Variants in NUBPL observed in about 807,000 individuals in gnomAD.
The protein encoded by NUBPL is NUBP iron-sulfur cluster assembly factor, mitochondrial, also known as iron-sulfur cluster transfer protein NUBPL.
A neutral mutation model predicts 45.7 loss-of-function variants in NUBPL; 31 were observed. The observed-to-expected ratio is 0.68, with a 90% CI of 0.51 to 0.92. The LOEUF (loss-of-function observed/expected upper bound fraction) is 0.92, where lower values mean the gene tolerates loss of function less well. Ranked by LOEUF, NUBPL falls within the 40% of genes least tolerant of loss-of-function variation. The pLI, the probability that NUBPL is intolerant of heterozygous loss-of-function variation, is 0.00. For missense variants in NUBPL, 401 were observed against 398.7 expected, an observed-to-expected ratio of 1.01 and a Z score of -0.05; for synonymous variants, 144 against 140.9, an observed-to-expected ratio of 1.02 and a Z score of -0.15.
chr14:31,758,662 A>G (rs1323655920), intron 6 of NUBPL, among the ~76,000 whole-genome samples: 1 of 152,154 alleles, frequency 6.6e-6, no homozygotes, highest in Non-Finnish European at 1.5e-5. Context: ...ATCAAAAAGG[A>G]ACTGAGAAAC....
intron 6 of NUBPL, among the ~76,000 whole-genome samples, chr14:31,732,661 G>A (rs1001883889): frequency 3.5e-5 from 5 of 142,486 alleles, no homozygotes; most frequent in Admixed American, 7.6e-5. Flanking sequence ...GCCCAGGCTG[G>A]AGTGCAGTGG....
chr14:31,719,808 A>C (rs1365345439), intron 6 of NUBPL, among the ~76,000 whole-genome samples: 1 of 152,168 alleles, frequency 6.6e-6, no homozygotes, highest in Non-Finnish European at 1.5e-5. Context: ...TTCAATTAAA[A>C]ATATCTACCA....
At chr14:31,789,776 T>A (rs1388802003) in intron 7 of NUBPL, among the ~76,000 whole-genome samples, 2 of 152,156 alleles carry the variant, frequency 1.3e-5, no homozygotes, top group African/African-American at 4.8e-5. Flanking sequence ...GAGATACTTT[T>A]GCTGTTTTAA....
intron 6 of NUBPL, among the ~76,000 whole-genome samples, chr14:31,679,991 C>T (rs977882488): frequency 3.3e-5 from 5 of 152,014 alleles, no homozygotes; most frequent in Admixed American, 3.3e-4. Flanking sequence ...ATTTTTTGAT[C>T]ATCTTGTAAA....
At chr14:31,828,193 C>G (rs1265339694) in intron 8 of NUBPL, among the ~76,000 whole-genome samples, 1 of 152,098 alleles carries the variant, frequency 6.6e-6, no homozygotes, top group African/African-American at 2.4e-5. Flanking sequence ...TGCCTCACAC[C>G]GAAAACTCTC....
intron 6 of NUBPL, among the ~76,000 whole-genome samples, chr14:31,694,641 G>C (rs182332496): frequency 6.6e-6 from 1 of 152,282 alleles, no homozygotes; most frequent in African/African-American, 2.4e-5. Flanking sequence ...TCAACCTCCT[G>C]AGTAGCTGGG....
At chr14:31,846,178 G>A (rs2040448906) in intron 8 of NUBPL, 2 of 367,274 alleles carry the variant, frequency 5.4e-6, no homozygotes, top group African/African-American at 4.2e-5. Flanking sequence ...ACAACCTGAA[G>A]AAACAACTGT....
intron 7 of NUBPL, among the ~76,000 whole-genome samples, chr14:31,805,308 C>G (rs531534086): frequency 7.9e-5 from 12 of 152,226 alleles, no homozygotes; most frequent in Non-Finnish European, 1.8e-4. Context: ...CACTTATACA[C>G]TGTTGGTGAG....
At chr14:31,610,914 T>G (rs750266898) in intron 4 of NUBPL, among the ~76,000 whole-genome samples, 1 of 152,166 alleles carries the variant, frequency 6.6e-6, no homozygotes, top group Non-Finnish European at 1.5e-5. Context: ...AAACTGGGTA[T>G]AGAAGGAACA....
At chr14:31,578,975 T>C (rs763039338) in intron 3 of NUBPL, among the ~76,000 whole-genome samples, 3 of 152,234 alleles carry the variant, frequency 2.0e-5, no homozygotes, top group Non-Finnish European at 4.4e-5. Flanking sequence ...CCTGTGGCTC[T>C]TAAACAATGT....
chr14:31,603,172 C>T (rs975683744), intron 4 of NUBPL, among the ~76,000 whole-genome samples: 4 of 151,580 alleles, frequency 2.6e-5, no homozygotes, highest in African/African-American at 9.7e-5. Context: ...TGGTGGCTCA[C>T]ACCTGTAGTC....
intron 7 of NUBPL, among the ~76,000 whole-genome samples, chr14:31,808,556 A>T (rs552606311): frequency 6.6e-6 from 1 of 152,316 alleles, no homozygotes; most frequent in East Asian, 1.9e-4. Flanking sequence ...CAATCATGTC[A>T]TCTGCAAACA....
intron 4 of NUBPL, among the ~76,000 whole-genome samples, chr14:31,671,878 A>T (rs1245132252): frequency 0.12 from 2 of 16 alleles, no homozygotes; most frequent in Non-Finnish European, 0.25. Flanking sequence ...GTCTCTTGAC[A>T]AGAGGGGAAA....
chr14:31,780,461 A>T (rs975236025), intron 6 of NUBPL, among the ~76,000 whole-genome samples: 8 of 152,196 alleles, frequency 5.3e-5, no homozygotes, highest in Non-Finnish European at 1.0e-4. Context: ...GTTGTGAGAA[A>T]AAGCAAATGC....
At chr14:31,841,920 T>TTGGTTTTTTTTTTTG (rs1232748747) in intron 8 of NUBPL, among the ~76,000 whole-genome samples, 1 of 81,024 alleles carries the variant, frequency 1.2e-5, no homozygotes, top group African/African-American at 4.4e-5. Context: ...TTCTGGGCTT[T>TTGGTTTTTTTTTTTG]TTTTTTTTTT....
chr14:31,620,321 C>T (rs974064617), intron 4 of NUBPL, among the ~76,000 whole-genome samples: 4 of 152,056 alleles, frequency 2.6e-5, no homozygotes, highest in Non-Finnish European at 5.9e-5. Context: ...TGTTCCCTTG[C>T]TTGCAAGGAG....
chr14:31,570,946 C>A (rs1218699677), intron 3 of NUBPL, among the ~76,000 whole-genome samples: 1 of 152,170 alleles, frequency 6.6e-6, no homozygotes, highest in African/African-American at 2.4e-5. Flanking sequence ...TCACATACTC[C>A]CTTGCTCAGA....
intron 6 of NUBPL, among the ~76,000 whole-genome samples, chr14:31,776,525 G>A (rs1042477383): frequency 6.6e-6 from 1 of 152,192 alleles, no homozygotes; most frequent in Non-Finnish European, 1.5e-5. Context: ...ATGGAGTCAT[G>A]CCAGGACTTG....
chr14:31,799,640 A>G (rs1177633362), intron 7 of NUBPL, among the ~76,000 whole-genome samples: 2 of 152,224 alleles, frequency 1.3e-5, no homozygotes, highest in Non-Finnish European at 2.9e-5. Context: ...AGTGTATACA[A>G]CATTATGTCT....
Sources: gnomAD v4.1 joint callset for allele counts (sites outside exome capture counted in the v4.1 genomes callset) on GRCh38, gnomAD v4.1.1 for gene constraint, MANE v1.5 for transcripts, NCBI Gene and HGNC (gene_info 2026-07-23, HGNC 2026-07-21) for gene names.